The following FKBP5 variants were observed in gnomAD, a reference collection of about 807,000 sequenced individuals.
The protein encoded by FKBP5 is FKBP prolyl isomerase 5, also known as peptidyl-prolyl cis-trans isomerase FKBP5.
In FKBP5, 23 loss-of-function variants were observed where a neutral mutation model predicts 50.5. That is an observed-to-expected ratio of 0.46 (90% CI 0.33 to 0.65). The LOEUF (loss-of-function observed/expected upper bound fraction) is 0.65. Ranked by LOEUF, FKBP5 falls within the 30% of genes least tolerant of loss-of-function variation. The pLI is 0.02. For synonymous variants in FKBP5, 176 were observed against 190.6 expected, an observed-to-expected ratio of 0.92 and a Z score of 0.63; for missense variants, 411 against 553.1, an observed-to-expected ratio of 0.74 and a Z score of 2.58.
chr6:35,632,822 G>A (rs1764199850), intron 3 of FKBP5, among the ~76,000 whole-genome samples: 1 of 151,672 alleles, frequency 6.6e-6, no homozygotes. Context: ...CTGGGAGGTG[G>A]AGGTCACAGT....
chr6:35,723,556 A>G (rs78220087), intron 1 of FKBP5, among the ~76,000 whole-genome samples: 5,379 of 152,370 alleles, frequency 0.035, 96 homozygotes, highest in East Asian at 0.046. Context: ...AAAAATAAAA[A>G]GTAAACACCG....
At chr6:35,611,239 C>T (rs538886834) in intron 5 of FKBP5, among the ~76,000 whole-genome samples, 1 of 152,252 alleles carries the variant, frequency 6.6e-6, no homozygotes, top group South Asian at 2.1e-4. Flanking sequence ...TTATTGATCT[C>T]TTCTTCTTCT....
At chr6:35,580,804 G>A in intron 8 of FKBP5, 1 of 962,822 alleles carries the variant, frequency 1.0e-6, no homozygotes, top group Non-Finnish European at 1.2e-6. Context: ...GCCTCCCAAA[G>A]TGCTGGGATT....
At chr6:35,615,884 A>G (rs551194329) in intron 5 of FKBP5, among the ~76,000 whole-genome samples, 86 of 152,344 alleles carry the variant, frequency 5.6e-4, no homozygotes, top group African/African-American at 2.0e-3. Flanking sequence ...TGAGACATCA[A>G]TATCATATAC....
At chr6:35,583,671 G>T in intron 8 of FKBP5, 1 of 895,248 alleles carries the variant, frequency 1.1e-6, no homozygotes, top group Non-Finnish European at 1.3e-6. Flanking sequence ...CAGAGGCCAG[G>T]AATGCTGCTA....
At chr6:35,675,021 T>C (rs1381861651) in intron 1 of FKBP5, among the ~76,000 whole-genome samples, 1 of 152,244 alleles carries the variant, frequency 6.6e-6, no homozygotes, top group Non-Finnish European at 1.5e-5. Context: ...ACAGCAGTAC[T>C]TATTAATGAA....
chr6:35,696,055 G>A (rs1247331833), intron 2 of FKBP5, among the ~76,000 whole-genome samples: 1 of 148,374 alleles, frequency 6.7e-6, no homozygotes, highest in Non-Finnish European at 1.5e-5. Context: ...TGAGGCAGGA[G>A]AATGGAGTGA....
chr6:35,716,715 G>A (rs1273126669), intron 2 of FKBP5, among the ~76,000 whole-genome samples: 1 of 152,126 alleles, frequency 6.6e-6, no homozygotes, highest in Non-Finnish European at 1.5e-5. Flanking sequence ...TGGTAATTGG[G>A]TCGCAAACAT....
At chr6:35,710,300 A>C (rs962918887) in intron 2 of FKBP5, among the ~76,000 whole-genome samples, 2 of 152,034 alleles carry the variant, frequency 1.3e-5, no homozygotes, top group Non-Finnish European at 2.9e-5. Context: ...ACAACATAGG[A>C]AACCCAGTCT....
intron 2 of FKBP5, among the ~76,000 whole-genome samples, chr6:35,638,822 C>T (rs1764397279): frequency 6.6e-6 from 1 of 152,158 alleles, no homozygotes; most frequent in Non-Finnish European, 1.5e-5. Flanking sequence ...CAATATTCTA[C>T]AAGTGCTCAT....
At position 35,575,861 on chromosome 6, in the gene FKBP5, C is replaced by T; in HGVS notation, c.1348G>A (p.Glu450Lys). The change falls in exon 11 of 11, where the codon GAA becomes AAA. Residue 450 changes from glutamate (E) to lysine (K), a missense_variant. By Grantham distance (56) the Glu-to-Lys change is moderately conservative (BLOSUM62 1). Coordinates refer to ENST00000357266, the MANE Select transcript of FKBP5 (RefSeq NM_004117.4). The part of the protein sequence containing the change: ...EKGTDSQAME[E>K]EKPEGHV ...CATACGTGGCCCTCAGGTTTCTCTTCTTCCATTGCTTGACTGTCTGTTCCT... is the reference window on the plus strand; with the variant it reads ...CATACGTGGCCCTCAGGTTTCTCTTTTTCCATTGCTTGACTGTCTGTTCCT... 1.9e-6 allele frequency: 3 copies of T among 1,613,988 alleles called. No individual in the cohort carries two copies. The African/African-American group carries it at 4.0e-5, about 22-fold the overall frequency.
rs145126655 is a variant in FKBP5, at chr6:35,674,627, T to C, written c.-20+14177A>G. 3.9e-4 allele frequency among the ~76,000 whole-genome samples: 59 copies of C among 152,366 alleles called. 1 individual carries two copies. The East Asian group carries it at 0.011, about 28-fold the overall frequency. On this transcript the variant is annotated intron_variant, in intron 1 of 10. Transcript: ENST00000357266. ...ATAATAATTTATCAAGCTCTAACAATGTTTGCGGAACCATTCTAAGTGTTT... is the reference window on the plus strand; with the variant it reads ...ATAATAATTTATCAAGCTCTAACAACGTTTGCGGAACCATTCTAAGTGTTT...
At chr6:35,707,717 C>T (rs899420884) in intron 2 of FKBP5, among the ~76,000 whole-genome samples, 5 of 152,138 alleles carry the variant, frequency 3.3e-5, no homozygotes, top group Non-Finnish European at 7.4e-5. Flanking sequence ...ACCCTCCACC[C>T]TCAAGTAAGC....
In FKBP5 at chr6:35,699,701, C is replaced by G. The variant is rs550410985; in HGVS notation, c.-20+20627G>C. ...ACTTAAGAGACAAGTTATCCACTCC[C>G]CACACACAATGGTGAGGCAGGGAAG... On this transcript the variant is annotated intron_variant, in intron 2 of 11. Transcript: ENST00000536438. 7.2e-4 allele frequency among the ~76,000 whole-genome samples: 109 copies of G among 152,256 alleles called. 1 individual carries two copies. Among genetic ancestry groups the G allele is most frequent in the African/African-American group, 2.5e-3 (104 of 41,540 alleles).
At chr6:35,652,559 G>A (rs553290869) in intron 1 of FKBP5, among the ~76,000 whole-genome samples, 404 of 152,210 alleles carry the variant, frequency 2.7e-3, no homozygotes, top group African/African-American at 8.7e-3. Context: ...CTCCCATAGC[G>A]CTCCCAGGCT....
chr6:35,690,805 G>C (rs971108084), upstream of FKBP5, among the ~76,000 whole-genome samples: 1 of 151,882 alleles, frequency 6.6e-6, no homozygotes, highest in African/African-American at 2.4e-5. Context: ...TCGGGAGTTC[G>C]AGACCAGCCT....
At chr6:35,630,893 A>G (rs1764133898) in intron 3 of FKBP5, among the ~76,000 whole-genome samples, 1 of 152,254 alleles carries the variant, frequency 6.6e-6, no homozygotes, top group Admixed American at 6.5e-5. Context: ...TAAGAAAATA[A>G]AAAGGCAAGA....
chr6:35,670,664 G>A (rs1036774725), intron 1 of FKBP5, among the ~76,000 whole-genome samples: 9 of 151,464 alleles, frequency 5.9e-5, no homozygotes, highest in South Asian at 2.1e-4. Flanking sequence ...CCTGGGAGGC[G>A]GAGGTTGCAG....
chr6:35,720,653 C>T (rs1457994705), intron 1 of FKBP5: 1 of 152,302 alleles, frequency 6.6e-6, no homozygotes, highest in Non-Finnish European at 1.5e-5. Context: ...CACTCTTGCT[C>T]TCTCCTCCCA....
Sources: allele counts gnomAD v4.1 joint callset (sites outside exome capture counted in the v4.1 genomes callset), GRCh38; gene constraint gnomAD v4.1.1; transcripts MANE v1.5; gene names NCBI Gene and HGNC (gene_info 2026-07-23, HGNC 2026-07-21).